GALNT17: variants seen among roughly 807,000 people sequenced by gnomAD.
GALNT17 encodes polypeptide N-acetylgalactosaminyltransferase 17.
In GALNT17, 29 loss-of-function variants were observed where a neutral mutation model predicts 63.7. That is an observed-to-expected ratio of 0.46 (90% CI 0.34 to 0.62). GALNT17 has a LOEUF of 0.62. GALNT17 is among the 20% of genes least tolerant of loss of function. The pLI is 0.01. For missense variants in GALNT17, 603 were observed against 799.6 expected (o/e 0.75, Z 2.97); for synonymous variants, 305 against 318.3 (o/e 0.96, Z 0.45).
chr7:71,534,810 A>G (rs894623319), intron 5 of GALNT17, among the ~76,000 whole-genome samples: 2 of 152,122 alleles, frequency 1.3e-5, no homozygotes, highest in Non-Finnish European at 2.9e-5. Flanking sequence ...TTCTATGCAA[A>G]AATCGGGCCA....
chr7:71,401,482 AC>A (rs1464136094), intron 3 of GALNT17, among the ~76,000 whole-genome samples: 2 of 151,652 alleles, frequency 1.3e-5, no homozygotes, highest in African/African-American at 4.9e-5. Flanking sequence ...GGGGTCCCCA[AC>A]CCCCCAGGCC....
intron 1 of GALNT17, chr7:71,300,810 TG>T (rs1443159408): frequency 6.4e-6 from 1 of 156,292 alleles, no homozygotes; most frequent in Non-Finnish European, 1.4e-5. Context: ...GAGGTGGACT[TG>T]GGGCTGGCCT....
intron 6 of GALNT17, among the ~76,000 whole-genome samples, chr7:71,618,216 T>C (rs1790245732): frequency 6.6e-6 from 1 of 152,212 alleles, no homozygotes; most frequent in African/African-American, 2.4e-5. Context: ...TATTCTACCA[T>C]TAATGGGCTC....
At chr7:71,578,506 G>A (rs902213535) in intron 6 of GALNT17, among the ~76,000 whole-genome samples, 1 of 151,666 alleles carries the variant, frequency 6.6e-6, no homozygotes, top group South Asian at 2.1e-4. Context: ...GCTAATTGTT[G>A]TTTTTTGGTT....
chr7:71,643,026 G>C (rs540715956), intron 6 of GALNT17, among the ~76,000 whole-genome samples: 2 of 152,290 alleles, frequency 1.3e-5, no homozygotes, highest in South Asian at 4.1e-4. Flanking sequence ...CACATCGCAT[G>C]TTTTGGGACA....
chr7:71,251,513 A>T (rs1790197267), intron 1 of GALNT17, among the ~76,000 whole-genome samples: 2 of 152,138 alleles, frequency 1.3e-5, no homozygotes, highest in Admixed American at 6.5e-5. Context: ...GGGTTCAAGC[A>T]GTCTTCCCAC....
At chr7:71,396,272 T>C (rs1166576722) in intron 3 of GALNT17, among the ~76,000 whole-genome samples, 2 of 152,156 alleles carry the variant, frequency 1.3e-5, no homozygotes, top group Admixed American at 6.5e-5. Flanking sequence ...TTTATATCCA[T>C]TGTGAGCTAA....
intron 5 of GALNT17, among the ~76,000 whole-genome samples, chr7:71,438,868 C>T (rs531261594): frequency 9.9e-5 from 15 of 151,404 alleles, no homozygotes; most frequent in African/African-American, 3.6e-4. Context: ...AGACTCTGGT[C>T]GCTAATAAAA....
Position 71,535,976 on chromosome 7 carries a change from A to G in GALNT17, c.963-35309A>G, listed in dbSNP as rs141926549. ...TGTAACACTGGAGCGGTGTCTATAT[A>G]ACACCGCAGCCAGGCCATTATCAGA... On this transcript the variant is annotated intron_variant, in intron 5 of 10. Coordinates refer to ENST00000333538, the MANE Select transcript of GALNT17 (RefSeq NM_022479.3). Among the ~76,000 whole-genome samples, 798 of 152,300 alleles carry G rather than the reference A, an allele frequency of 5.2e-3. 7 individuals carry two copies. Among genetic ancestry groups the G allele is most frequent in the African/African-American group, 0.018 (739 of 41,558 alleles).
chr7:71,686,063 T>C (rs967252731), intron 9 of GALNT17, among the ~76,000 whole-genome samples: 1 of 148,602 alleles, frequency 6.7e-6, no homozygotes, highest in African/African-American at 2.5e-5. Context: ...CAAGCGATTC[T>C]CCTGCCTCAG....
intron 1 of GALNT17, among the ~76,000 whole-genome samples, chr7:71,173,607 T>A (rs1215763831): frequency 1.3e-5 from 2 of 152,098 alleles, no homozygotes; most frequent in African/African-American, 2.4e-5. Flanking sequence ...AACCCATCTC[T>A]ACTAAAAATA....
intron 9 of GALNT17, among the ~76,000 whole-genome samples, chr7:71,709,578 G>GT (rs5884857): frequency 0.59 from 84,399 of 143,802 alleles, 26,656 homozygotes; most frequent in Non-Finnish European, 0.74. Context: ...CAGTTTTTGG[G>GT]TTTTTTTTTT....
intron 1 of GALNT17, among the ~76,000 whole-genome samples, chr7:71,292,532 G>T (rs1158508712): frequency 6.6e-6 from 1 of 151,990 alleles, no homozygotes; most frequent in Non-Finnish European, 1.5e-5. Context: ...TATAAAAATT[G>T]TATATATTCA....
Position 71,201,239 on chromosome 7 carries a change from TTTTA to T in GALNT17, c.238+68201_238+68204del, listed in dbSNP as rs1487273913. On this transcript the variant is annotated intron_variant, in intron 1 of 10. Transcript: ENST00000333538. ...TTTGTATGGGGGTGTGTGTGTTTAT[TTTTA>T]TATATATATATATAATTTGTGTGTG... Among the ~76,000 whole-genome samples, 4 of 101,632 alleles carry T rather than the reference TTTTA, an allele frequency of 3.9e-5. 1 individual carries two copies. The South Asian group carries it at 8.9e-4, about 23-fold the overall frequency. The allele number at this position is 101,632 out of a possible 152,430, so 66.7% of individuals were successfully genotyped here. A position where few individuals can be genotyped will look rare whatever the true frequency, so the allele number is the denominator to read the frequency against.
At position 71,521,465 on chromosome 7, in the gene GALNT17, G is replaced by A. The variant is rs542548916; in HGVS notation, c.963-49820G>A. Among the ~76,000 whole-genome samples the A allele has an allele frequency of 1.5e-4, 23 of 152,292 alleles. 1 individual carries two copies. Among genetic ancestry groups the A allele is most frequent in the African/African-American group, 5.3e-4 (22 of 41,576 alleles). On this transcript the variant is annotated intron_variant, in intron 5 of 10. Coordinates refer to ENST00000333538, the MANE Select transcript of GALNT17 (RefSeq NM_022479.3). ...ATTTGCAGAACCTGCCTGGAGACAC[G>A]TCTTTGTATTAACTATTGCAATTCA...
intron 5 of GALNT17, among the ~76,000 whole-genome samples, chr7:71,518,828 C>A (rs532405486): frequency 5.3e-5 from 8 of 152,218 alleles, no homozygotes; most frequent in African/African-American, 1.9e-4. Context: ...CTATTTTTCC[C>A]AGTCTCTTGC....
chr7:71,354,732 G>C (rs531699970), intron 2 of GALNT17, among the ~76,000 whole-genome samples: 2 of 152,204 alleles, frequency 1.3e-5, no homozygotes, highest in South Asian at 4.1e-4. Context: ...AAAGGAATTA[G>C]GTTTTCAATC....
intron 1 of GALNT17, among the ~76,000 whole-genome samples, chr7:71,299,018 C>T (rs773699205): frequency 7.2e-5 from 11 of 152,098 alleles, no homozygotes; most frequent in African/African-American, 1.7e-4. Flanking sequence ...AACTGACTAT[C>T]GGAGTTCCAA....
intron 3 of GALNT17, among the ~76,000 whole-genome samples, chr7:71,397,521 A>G (rs189748347): frequency 6.6e-6 from 1 of 152,268 alleles, no homozygotes; most frequent in East Asian, 1.9e-4. Context: ...ATAGATAAGA[A>G]TGGGTGCTAT....
Sources: allele counts gnomAD v4.1 joint callset (sites outside exome capture counted in the v4.1 genomes callset), GRCh38; gene constraint gnomAD v4.1.1; transcripts MANE v1.5; gene names NCBI Gene and HGNC (gene_info 2026-07-23, HGNC 2026-07-21).